The following WDPCP variants were observed in gnomAD, a reference collection of about 807,000 sequenced individuals.
WDPCP encodes the protein WD repeat containing planar cell polarity effector, also known as WD repeat-containing and planar cell polarity effector protein fritz homolog.
WDPCP carries 71 observed loss-of-function variants against 93.1 expected under a neutral mutation model. The observed-to-expected ratio is 0.76, with a 90% CI of 0.63 to 0.93. WDPCP has a LOEUF of 0.93. WDPCP is among the 40% of genes least tolerant of loss of function. The probability of loss-of-function intolerance (pLI) is 0.00; values close to 1 mark genes in which losing one functional copy is unlikely to be tolerated. For synonymous variants in WDPCP, 315 were observed against 315.0 expected, an observed-to-expected ratio of 1.00 and a Z score of 0.00; for missense variants, 844 against 887.4, an observed-to-expected ratio of 0.95 and a Z score of 0.62.
At chr2:63,512,719 A>G (rs1702312730) in intron 1 of WDPCP, among the ~76,000 whole-genome samples, 1 of 152,064 alleles carries the variant, frequency 6.6e-6, no homozygotes, top group African/African-American at 2.4e-5. Flanking sequence ...AGGGAGGGGA[A>G]CGTCACACAC....
chr2:63,665,126 G>GTA (rs1710267935), intron 2 of WDPCP, among the ~76,000 whole-genome samples: 1 of 152,222 alleles, frequency 6.6e-6, no homozygotes, highest in East Asian at 1.9e-4. Flanking sequence ...AGGAATTATG[G>GTA]TTCTATTAGT....
At chr2:63,495,111 C>A (rs1184095350) in intron 1 of WDPCP, among the ~76,000 whole-genome samples, 1 of 152,006 alleles carries the variant, frequency 6.6e-6, no homozygotes, top group Non-Finnish European at 1.5e-5. Context: ...AATAAGGAAC[C>A]CCTCAATCCC....
intron 14 of WDPCP, among the ~76,000 whole-genome samples, chr2:63,210,616 G>A (rs1444849441): frequency 6.6e-6 from 1 of 152,170 alleles, no homozygotes; most frequent in Non-Finnish European, 1.5e-5. Context: ...GTGCAGGACA[G>A]TGGGTGCAGC....
intron 9 of WDPCP, among the ~76,000 whole-genome samples, chr2:63,407,526 A>G (rs1397152565): frequency 2.0e-5 from 3 of 152,144 alleles, no homozygotes; most frequent in African/African-American, 7.2e-5. Flanking sequence ...AACCTGCCCC[A>G]CATTTTCCCT....
At chr2:63,735,400 C>T (rs1253506442) in intron 2 of WDPCP, among the ~76,000 whole-genome samples, 1 of 152,096 alleles carries the variant, frequency 6.6e-6, no homozygotes, top group African/African-American at 2.4e-5. Flanking sequence ...CAGAGCATTT[C>T]TGGGCATGTG....
At chr2:63,295,041 G>A (rs543394029) in intron 13 of WDPCP, among the ~76,000 whole-genome samples, 1 of 152,134 alleles carries the variant, frequency 6.6e-6, no homozygotes, top group African/African-American at 2.4e-5. Flanking sequence ...AAGGAGCAGA[G>A]TTTTTGTGTG....
intron 12 of WDPCP, among the ~76,000 whole-genome samples, chr2:63,322,562 C>A (rs1170322475): frequency 6.6e-6 from 1 of 152,124 alleles, no homozygotes; most frequent in African/African-American, 2.4e-5. Context: ...CTGTAGCACT[C>A]ACTGCGAAGG....
chr2:63,340,603 A>T (rs1335415900), intron 12 of WDPCP, among the ~76,000 whole-genome samples: 6 of 152,188 alleles, frequency 3.9e-5, no homozygotes, highest in Non-Finnish European at 8.8e-5. Context: ...TCCAGTATAG[A>T]AACTGTGAAC....
At chr2:63,361,468 A>G (rs1313258538) in intron 12 of WDPCP, among the ~76,000 whole-genome samples, 1 of 152,210 alleles carries the variant, frequency 6.6e-6, no homozygotes, top group Non-Finnish European at 1.5e-5. Context: ...TGCAAGGCAT[A>G]TAGTAAACAA....
intron 6 of WDPCP, among the ~76,000 whole-genome samples, chr2:63,472,512 T>C (rs552035731): frequency 9.9e-5 from 15 of 152,276 alleles, no homozygotes; most frequent in African/African-American, 3.4e-4. Flanking sequence ...ATCTTTCAAA[T>C]GTATTAATTT....
chr2:63,432,306 G>T (rs529504649), intron 9 of WDPCP, among the ~76,000 whole-genome samples: 1 of 152,258 alleles, frequency 6.6e-6, no homozygotes, highest in East Asian at 1.9e-4. Flanking sequence ...TCTCTAAGTA[G>T]AATCGATCAC....
chr2:63,812,832 G>A (rs1194909789), intron 2 of WDPCP, among the ~76,000 whole-genome samples: 1 of 151,602 alleles, frequency 6.6e-6, no homozygotes, highest in Admixed American at 6.6e-5. Context: ...CATAATCTAT[G>A]TCCCCCATCT....
intron 3 of WDPCP, among the ~76,000 whole-genome samples, chr2:63,602,347 G>GTTT (rs144884000): frequency 1.9e-5 from 2 of 104,000 alleles, no homozygotes; most frequent in African/African-American, 7.3e-5. Flanking sequence ...GTTGGTTGGG[G>GTTT]TTTTTTTTTT....
intron 1 of WDPCP, among the ~76,000 whole-genome samples, chr2:63,578,285 T>C (rs1406762227): frequency 6.6e-6 from 1 of 152,194 alleles, no homozygotes; most frequent in Non-Finnish European, 1.5e-5. Context: ...AATCTCACCA[T>C]ATTAGTATCC....
At chr2:63,549,657 T>G (rs1345627129) in intron 1 of WDPCP, among the ~76,000 whole-genome samples, 1 of 151,978 alleles carries the variant, frequency 6.6e-6, no homozygotes, top group East Asian at 1.9e-4. Flanking sequence ...TCCCAGCTAC[T>G]CGGGAGGCTG....
At chr2:63,669,413 G>A (rs754502460) in intron 2 of WDPCP, among the ~76,000 whole-genome samples, 3 of 150,886 alleles carry the variant, frequency 2.0e-5, no homozygotes, top group African/African-American at 4.9e-5. Flanking sequence ...AGGCTGGAGT[G>A]CAGTGGTGCA....
chr2:63,346,182 G>A (rs1689177253), intron 12 of WDPCP, among the ~76,000 whole-genome samples: 1 of 152,068 alleles, frequency 6.6e-6, no homozygotes, highest in Non-Finnish European at 1.5e-5. Context: ...TAGATGCCTG[G>A]AAAAAGTAAT....
chr2:63,382,192 G>T, intron 10 of WDPCP, 98 bp from the exon 11 acceptor site: 4 of 1,207,544 alleles, frequency 3.3e-6, no homozygotes, highest in Non-Finnish European at 4.7e-6. Flanking sequence ...TATATTGCTT[G>T]CATTAAGTGC....
chr2:63,326,714 G>A (rs1455661614), intron 12 of WDPCP, among the ~76,000 whole-genome samples: 1 of 151,544 alleles, frequency 6.6e-6, no homozygotes, highest in African/African-American at 2.4e-5. Context: ...CAGACAGAAA[G>A]TCAGAGAGAG....
Sources: allele counts gnomAD v4.1 joint callset (sites outside exome capture counted in the v4.1 genomes callset), GRCh38; gene constraint gnomAD v4.1.1; transcripts MANE v1.5; gene names NCBI Gene and HGNC (gene_info 2026-07-23, HGNC 2026-07-21).